Variants in AGAP1 observed in about 807,000 individuals in gnomAD.
The protein encoded by AGAP1 is arf-GAP with GTPase, ANK repeat and PH domain-containing protein 1.
A neutral mutation model predicts 105.3 loss-of-function variants in AGAP1; 29 were observed. The ratio of observed to expected loss-of-function variants is 0.28; its 90% CI spans 0.21 to 0.38. AGAP1 has a LOEUF of 0.38. Among genes scored for constraint, AGAP1 ranks in the 10% least tolerant of loss-of-function variants. The pLI is 1.00. For synonymous variants in AGAP1, 509 were observed against 485.9 expected (o/e 1.05, Z -0.63); for missense variants, 998 against 1,165.1 (o/e 0.86, Z 2.09).
chr2:235,731,055 A>G (rs1244289636), intron 3 of AGAP1, among the ~76,000 whole-genome samples: 2 of 152,138 alleles, frequency 1.3e-5, no homozygotes, highest in African/African-American at 4.8e-5. Context: ...CTCTATCAGG[A>G]CAGAGACCTT....
At chr2:236,037,350 A>C (rs866261595) in intron 14 of AGAP1, 5 of 152,032 alleles carry the variant, frequency 3.3e-5, no homozygotes, top group Admixed American at 6.5e-5. Flanking sequence ...AATGAGAGGC[A>C]ATTTGTTTTT....
rs779055684 is a variant in AGAP1 at position 236,120,143 on chromosome 2, G to T, written c.2115-49G>T. 3 of 1,567,758 alleles carry T rather than the reference G, an allele frequency of 1.9e-6. No homozygotes were observed. Among genetic ancestry groups the T allele is most frequent in the Non-Finnish European group, 1.7e-6 (2 of 1,154,990 alleles). On this transcript the variant is annotated intron_variant, in intron 16 of 17. Coordinates refer to ENST00000304032, the MANE Select transcript of AGAP1 (RefSeq NM_001037131.3). The surrounding 1 kb of genome is among the most constrained non-coding windows in gnomAD (Gnocchi z 6.0). ...CACACTGGGCAGGGGCTGGCAGCCTGTGTTCTCGGGCCTGATCGTGACTGC... is the reference window on the plus strand; with the variant it reads ...CACACTGGGCAGGGGCTGGCAGCCTTTGTTCTCGGGCCTGATCGTGACTGC...
chr2:235,980,413 T>C (rs1575957510), intron 13 of AGAP1, among the ~76,000 whole-genome samples: 1 of 152,342 alleles, frequency 6.6e-6, no homozygotes, highest in East Asian at 1.9e-4. Context: ...AATGGACATA[T>C]TAGCCATTGA....
At chr2:235,687,724 A>G (rs1389587864) in intron 1 of AGAP1, among the ~76,000 whole-genome samples, 2 of 152,152 alleles carry the variant, frequency 1.3e-5, no homozygotes, top group Admixed American at 6.5e-5. Context: ...TCTTCTTCGC[A>G]GGATGTGGCC....
intron 6 of AGAP1, among the ~76,000 whole-genome samples, chr2:235,784,856 G>A (rs1428775563): frequency 6.6e-6 from 1 of 152,134 alleles, no homozygotes; most frequent in Admixed American, 6.5e-5. Flanking sequence ...TTTCTGGGAG[G>A]TAATGCTGGT....
intron 9 of AGAP1, among the ~76,000 whole-genome samples, chr2:235,846,488 G>A (rs78494357): frequency 0.027 from 3,556 of 132,462 alleles, 129 homozygotes; most frequent in African/African-American, 0.089. Flanking sequence ...CGTGATGCCT[G>A]GCTAATTTTT....
At chr2:235,987,606 C>T (rs749928298) in intron 13 of AGAP1, among the ~76,000 whole-genome samples, 4 of 146,344 alleles carry the variant, frequency 2.7e-5, no homozygotes, top group South Asian at 2.2e-4. Context: ...TGGATTAGTT[C>T]GTTGTTGCCT....
At chr2:235,767,018 A>G (rs2675132) in intron 6 of AGAP1, among the ~76,000 whole-genome samples, 35,557 of 150,762 alleles carry the variant, frequency 0.24, 4,642 homozygotes, top group Admixed American at 0.38. Flanking sequence ...GATTCAAGCA[A>G]TTCTCCTGAT....
At chr2:235,782,044 A>C (rs1956294642) in intron 6 of AGAP1, among the ~76,000 whole-genome samples, 1 of 152,174 alleles carries the variant, frequency 6.6e-6, no homozygotes. Context: ...TTTAAGGCCT[A>C]GTTTAACTGG....
chr2:236,046,113 C>A lies in AGAP1; in HGVS notation c.1892-2946C>A. 4.5e-6 allele frequency: 2 copies of A among 443,666 alleles called. No individual in the cohort carries two copies. The highest frequency in any genetic ancestry group is 1.6e-5 in the South Asian group (1 of 61,882). 27.5% of individuals were successfully genotyped at this position (443,666 alleles called of 1,614,324 possible). ...CTGCAACCCACAGCGGCATGGAGGGCGGTGGGGTGGGCATAGGAACCAAAT... is the reference window on the plus strand; with the variant it reads ...CTGCAACCCACAGCGGCATGGAGGGAGGTGGGGTGGGCATAGGAACCAAAT... On this transcript the variant is annotated intron_variant, in intron 15 of 17. Coordinates refer to ENST00000304032, the MANE Select transcript of AGAP1 (RefSeq NM_001037131.3). This position sits in a 1 kb window ranked among gnomAD's most constrained non-coding sequence, Gnocchi z 5.2.
At chr2:235,871,087 G>T (rs952652749) in intron 9 of AGAP1, among the ~76,000 whole-genome samples, 2 of 152,042 alleles carry the variant, frequency 1.3e-5, no homozygotes, top group African/African-American at 4.8e-5. Flanking sequence ...TCAAGGAAAG[G>T]GTCTGACTGC....
chr2:235,873,794 C>G (rs182368878), intron 9 of AGAP1, among the ~76,000 whole-genome samples: 40 of 152,320 alleles, frequency 2.6e-4, no homozygotes, highest in Admixed American at 2.5e-3. Context: ...GTGGCACAAT[C>G]ACGACTCACT....
In AGAP1 at chr2:236,000,243, G is replaced by A. The variant is rs2056057988; in HGVS notation, c.1645+31620G>A. 6.6e-6 allele frequency among the ~76,000 whole-genome samples: 1 copy of A among 152,060 alleles called. No homozygotes were observed. Among genetic ancestry groups the A allele is most frequent in the Non-Finnish European group, 1.5e-5 (1 of 68,016 alleles). ...TTCATCAATAGGTTCTTAAAACTTC[G>A]ACTTGAAGCGAAAGGACTTATAATG... is the stretch of plus-strand genomic sequence containing the variant. On this transcript the variant is annotated intron_variant, in intron 13 of 17. Coordinates refer to ENST00000304032, the MANE Select transcript of AGAP1 (RefSeq NM_001037131.3). The surrounding 1 kb of genome is among the most constrained non-coding windows in gnomAD (Gnocchi z 4.3).
chr2:235,696,769 C>T (rs1218289605), intron 1 of AGAP1, among the ~76,000 whole-genome samples: 2 of 152,086 alleles, frequency 1.3e-5, no homozygotes, highest in African/African-American at 4.8e-5. Flanking sequence ...TGAGCCCCGT[C>T]CCCACCTTAT....
chr2:235,915,916 A>G (rs2051856402), intron 11 of AGAP1, among the ~76,000 whole-genome samples: 1 of 152,162 alleles, frequency 6.6e-6, no homozygotes, highest in African/African-American at 2.4e-5. Context: ...CACACCAAAA[A>G]TAGGAGAACA....
In AGAP1 at chr2:235,577,709, C is replaced by T. The variant is rs1944781108; in HGVS notation, c.163+82860C>T. The stretch of plus-strand genomic sequence containing the variant: ...GTGTGTGTCGTCATCCCCTCGAAGG[C>T]TTGGCTGATTGAGCCAGTAAACAAA... On this transcript the variant is annotated intron_variant, in intron 1 of 17. Coordinates refer to ENST00000304032, the MANE Select transcript of AGAP1 (RefSeq NM_001037131.3). This position sits in a 1 kb window ranked among gnomAD's most constrained non-coding sequence, Gnocchi z 4.5. Among the ~76,000 whole-genome samples, 1 of 152,170 alleles carries T rather than the reference C, an allele frequency of 6.6e-6. No homozygotes were observed. Among genetic ancestry groups the T allele is most frequent in the Non-Finnish European group, 1.5e-5 (1 of 68,036 alleles).
At position 235,777,053 on chromosome 2, in the gene AGAP1, C is replaced by T. The variant is rs145623189; in HGVS notation, c.674-20706C>T. On this transcript the variant is annotated intron_variant, in intron 6 of 17. Coordinates refer to ENST00000304032, the MANE Select transcript of AGAP1 (RefSeq NM_001037131.3). The surrounding 1 kb of genome is among the most constrained non-coding windows in gnomAD (Gnocchi z 5.1). ...GGCCAGGCTGGATCCTGCAGAGAAA[C>T]GAGGAAGTATTAGACAGAAGTGATG... The T allele has an allele frequency of 2.5e-3, 1,163 of 471,108 alleles. 11 individuals are homozygous for T. Among genetic ancestry groups the T allele is most frequent in the African/African-American group, 0.021 (1,062 of 50,170 alleles). 29.2% of individuals were successfully genotyped at this position (471,108 alleles called of 1,614,324 possible).
intron 1 of AGAP1, among the ~76,000 whole-genome samples, chr2:235,696,766 C>T (rs144226668): frequency 1.6e-4 from 24 of 152,238 alleles, no homozygotes; most frequent in African/African-American, 5.5e-4. Flanking sequence ...GAATGAGCCC[C>T]GTCCCCACCT....
At chr2:236,041,461 G>A (rs1437040480) in intron 15 of AGAP1, among the ~76,000 whole-genome samples, 1 of 151,664 alleles carries the variant, frequency 6.6e-6, no homozygotes, top group African/African-American at 2.4e-5. Flanking sequence ...TTACTGCTTT[G>A]TGCCATCGAG....
Sources: gnomAD v4.1 joint callset for allele counts (sites outside exome capture counted in the v4.1 genomes callset) on GRCh38, gnomAD v4.1.1 for gene constraint, Gnocchi (gnomAD v3.1) non-coding constraint, MANE v1.5 for transcripts, NCBI Gene and HGNC (gene_info 2026-07-23, HGNC 2026-07-21) for gene names.